The following NRXN3 variants were observed in gnomAD, a reference collection of about 807,000 sequenced individuals.
The protein encoded by NRXN3 is neurexin III.
In NRXN3, 32 loss-of-function variants were observed where a neutral mutation model predicts 137.6. That is an observed-to-expected ratio of 0.23 (90% CI 0.18 to 0.31). The LOEUF is 0.31. NRXN3 is among the 10% of genes least tolerant of loss of function. The pLI is 1.00. For synonymous variants in NRXN3, 798 were observed against 784.5 expected (o/e 1.02, Z -0.29); for missense variants, 1,574 against 2,062.5 (o/e 0.76, Z 4.59).
intron 15 of NRXN3, among the ~76,000 whole-genome samples, chr14:79,392,732 G>T (rs552255348): frequency 3.9e-5 from 6 of 152,094 alleles, no homozygotes; most frequent in Non-Finnish European, 7.3e-5. Flanking sequence ...AGCATTTTGG[G>T]AGGCCGAGGC....
At chr14:79,717,033 C>T (rs958029514) in intron 19 of NRXN3, among the ~76,000 whole-genome samples, 2 of 152,166 alleles carry the variant, frequency 1.3e-5, no homozygotes, top group Non-Finnish European at 2.9e-5. Flanking sequence ...ATTTTGAGAT[C>T]ATTCAGAAGA....
intron 16 of NRXN3, among the ~76,000 whole-genome samples, chr14:79,486,935 C>CTT (rs2096661572): frequency 1.3e-5 from 2 of 149,666 alleles, no homozygotes; most frequent in Admixed American, 1.3e-4. Flanking sequence ...CTCTCTCTCT[C>CTT]TCTCTCTCTC....
chr14:78,343,497 G>T (rs1466890061), intron 4 of NRXN3, among the ~76,000 whole-genome samples: 1 of 152,122 alleles, frequency 6.6e-6, no homozygotes, highest in African/African-American at 2.4e-5. Context: ...TATTTATATG[G>T]CAGGCCACTA....
intron 16 of NRXN3, among the ~76,000 whole-genome samples, chr14:79,606,736 G>A (rs1349109893): frequency 6.6e-6 from 1 of 152,172 alleles, no homozygotes; most frequent in Admixed American, 6.6e-5. Context: ...TATTAAGGAT[G>A]TCAAGGTATA....
chr14:78,873,690 G>A (rs1263950839), intron 10 of NRXN3, among the ~76,000 whole-genome samples: 7 of 152,112 alleles, frequency 4.6e-5, no homozygotes, highest in East Asian at 1.9e-4. Context: ...GAGATGGTTC[G>A]TATGATGTAC....
intron 4 of NRXN3, among the ~76,000 whole-genome samples, chr14:78,534,684 T>C (rs905593667): frequency 6.6e-6 from 1 of 152,332 alleles, no homozygotes; most frequent in African/African-American, 2.4e-5. Flanking sequence ...CAGATTCTGG[T>C]GTAGAGTTCT....
chr14:78,601,953 G>A (rs1477357450), intron 4 of NRXN3, among the ~76,000 whole-genome samples: 1 of 152,110 alleles, frequency 6.6e-6, no homozygotes. Flanking sequence ...TGGAAAGTCT[G>A]GTCATTTCTA....
At chr14:78,846,991 C>G (rs1032183048) in intron 10 of NRXN3, among the ~76,000 whole-genome samples, 1 of 152,052 alleles carries the variant, frequency 6.6e-6, no homozygotes, top group Non-Finnish European at 1.5e-5. Context: ...GGGTACTTGT[C>G]TCTGATGTTA....
At chr14:78,434,150 CAG>C (rs1205236641) in intron 4 of NRXN3, among the ~76,000 whole-genome samples, 1 of 152,086 alleles carries the variant, frequency 6.6e-6, no homozygotes, top group African/African-American at 2.4e-5. Context: ...AAGTGAAAAA[CAG>C]AATGGTTGTA....
intron 15 of NRXN3, among the ~76,000 whole-genome samples, chr14:79,411,062 C>A (rs755960762): frequency 1.3e-5 from 2 of 152,012 alleles, no homozygotes; most frequent in Non-Finnish European, 2.9e-5. Flanking sequence ...TTCTGTGCAC[C>A]ACTAGTAGGT....
chr14:78,722,497 T>C (rs2098464647), intron 8 of NRXN3, among the ~76,000 whole-genome samples: 1 of 152,228 alleles, frequency 6.6e-6, no homozygotes, highest in East Asian at 1.9e-4. Context: ...CATCTCTGGC[T>C]TCATGTTTCT....
chr14:79,271,647 G>A (rs1218053840), intron 15 of NRXN3, among the ~76,000 whole-genome samples: 4 of 149,862 alleles, frequency 2.7e-5, no homozygotes, highest in African/African-American at 9.9e-5. Context: ...CCTCTCTTTT[G>A]CATTGGAAGA....
chr14:79,787,532 C>T (rs1387928134), intron 19 of NRXN3, among the ~76,000 whole-genome samples: 1 of 152,204 alleles, frequency 6.6e-6, no homozygotes, highest in Non-Finnish European at 1.5e-5. Context: ...CTTCAACCAA[C>T]ATCTCCTCAT....
chr14:79,062,846 A>G (rs1200617287), intron 15 of NRXN3, among the ~76,000 whole-genome samples: 1 of 152,102 alleles, frequency 6.6e-6, no homozygotes, highest in Non-Finnish European at 1.5e-5. Context: ...CGAAACAAAA[A>G]CCCCAAGTCT....
chr14:79,176,127 T>C (rs1820081459), intron 15 of NRXN3, among the ~76,000 whole-genome samples: 1 of 152,230 alleles, frequency 6.6e-6, no homozygotes, highest in African/African-American at 2.4e-5. Context: ...GTAATATCCA[T>C]TGAATATGTG....
chr14:79,349,069 C>T (rs866620325), intron 15 of NRXN3, among the ~76,000 whole-genome samples: 15 of 152,166 alleles, frequency 9.9e-5, no homozygotes, highest in Middle Eastern at 3.4e-3. Context: ...CATGGATTGC[C>T]ATGAAAGTGA....
At chr14:79,566,152 G>T (rs1375168732) in intron 16 of NRXN3, among the ~76,000 whole-genome samples, 1 of 152,040 alleles carries the variant, frequency 6.6e-6, no homozygotes, top group African/African-American at 2.4e-5. Context: ...TCCTTAGCAG[G>T]CTCTTACCCT....
chr14:79,573,606 AAAG>A (rs1187265341), intron 16 of NRXN3, among the ~76,000 whole-genome samples: 4 of 152,132 alleles, frequency 2.6e-5, no homozygotes, highest in East Asian at 3.9e-4. Flanking sequence ...AGGGCTTTAG[AAAG>A]AAGGTCAACC....
intron 4 of NRXN3, among the ~76,000 whole-genome samples, chr14:78,558,147 G>T (rs930819642): frequency 6.6e-6 from 1 of 152,150 alleles, no homozygotes; most frequent in Non-Finnish European, 1.5e-5. Context: ...CTGGCTAATC[G>T]TTATGTTCAC....
Sources: allele counts gnomAD v4.1 joint callset (sites outside exome capture counted in the v4.1 genomes callset), GRCh38; gene constraint gnomAD v4.1.1; transcripts MANE v1.5; gene names NCBI Gene and HGNC (gene_info 2026-07-23, HGNC 2026-07-21).